The following CDH12 variants were observed in gnomAD, a reference collection of about 807,000 sequenced individuals.
CDH12 encodes the protein cadherin 12.
Under a neutral mutation model 74.1 loss-of-function variants are expected in CDH12, and 41 were observed. The observed-to-expected ratio is 0.55, with a 90% confidence interval of 0.43 to 0.72. The LOEUF (loss-of-function observed/expected upper bound fraction) is 0.72. CDH12 is among the 30% of genes least tolerant of loss of function. The pLI is 0.00. For missense variants in CDH12, 945 were observed against 977.2 expected, an observed-to-expected ratio of 0.97 and a Z score of 0.44; for synonymous variants, 399 against 355.0, an observed-to-expected ratio of 1.12 and a Z score of -1.39.
At chr5:22,177,889 T>A (rs1282619250) in intron 4 of CDH12, among the ~76,000 whole-genome samples, 1 of 152,194 alleles carries the variant, frequency 6.6e-6, no homozygotes, top group Non-Finnish European at 1.5e-5. Flanking sequence ...GTAGCTAGCT[T>A]ACTAAACATA....
intron 4 of CDH12, among the ~76,000 whole-genome samples, chr5:22,122,787 ACT>A (rs1745603162): frequency 1.3e-5 from 2 of 151,994 alleles, no homozygotes; most frequent in Admixed American, 1.3e-4. Context: ...GAGAAAGAAG[ACT>A]CTCTCTGCCT....
chr5:22,041,323 C>T (rs1739562255), intron 5 of CDH12, among the ~76,000 whole-genome samples: 3 of 152,020 alleles, frequency 2.0e-5, no homozygotes, highest in Admixed American at 2.0e-4. Context: ...CCTTATCTGT[C>T]AATAATTACT....
chr5:22,288,306 T>C (rs1239528941), intron 3 of CDH12, among the ~76,000 whole-genome samples: 2 of 152,160 alleles, frequency 1.3e-5, no homozygotes, highest in Non-Finnish European at 1.5e-5. Flanking sequence ...TATGACCAAT[T>C]TATGTAATTT....
chr5:22,000,380 A>C (rs1736535476), intron 5 of CDH12, among the ~76,000 whole-genome samples: 2 of 152,184 alleles, frequency 1.3e-5, no homozygotes, highest in Non-Finnish European at 2.9e-5. Context: ...CTGGCATCAC[A>C]TCAGCCGTTG....
At chr5:22,621,699 G>C (rs969699004) in intron 1 of CDH12, among the ~76,000 whole-genome samples, 1 of 151,966 alleles carries the variant, frequency 6.6e-6, no homozygotes, top group African/African-American at 2.4e-5. Flanking sequence ...AGTTGTTGGA[G>C]TTTATGCCAA....
intron 1 of CDH12, among the ~76,000 whole-genome samples, chr5:22,678,201 T>C (rs1741314450): frequency 6.6e-6 from 1 of 152,086 alleles, no homozygotes; most frequent in Non-Finnish European, 1.5e-5. Context: ...CGACATTTAC[T>C]GTAAAAAAAT....
intron 1 of CDH12, among the ~76,000 whole-genome samples, chr5:22,590,569 A>G (rs1740649742): frequency 6.6e-6 from 1 of 152,192 alleles, no homozygotes; most frequent in East Asian, 1.9e-4. Context: ...AAGAAATCCA[A>G]CATAAACAAA....
intron 1 of CDH12, among the ~76,000 whole-genome samples, chr5:22,745,766 G>A (rs181027908): frequency 8.7e-4 from 132 of 152,242 alleles, no homozygotes; most frequent in Middle Eastern, 3.4e-3. Context: ...CTTTTGGAGA[G>A]TGGAGGGTGG....
intron 3 of CDH12, among the ~76,000 whole-genome samples, chr5:22,287,172 A>G (rs749046886): frequency 2.6e-5 from 4 of 152,174 alleles, no homozygotes; most frequent in Non-Finnish European, 4.4e-5. Flanking sequence ...AAGACACAAC[A>G]AACTTTGTTA....
At chr5:22,580,055 C>T (rs895560777) in intron 1 of CDH12, among the ~76,000 whole-genome samples, 4 of 152,084 alleles carry the variant, frequency 2.6e-5, no homozygotes, top group African/African-American at 9.7e-5. Flanking sequence ...CCTTTTTAGC[C>T]AACGATGCTC....
intron 1 of CDH12, among the ~76,000 whole-genome samples, chr5:22,777,508 A>T (rs1488822035): frequency 2.6e-5 from 4 of 152,196 alleles, no homozygotes; most frequent in African/African-American, 9.6e-5. Flanking sequence ...TGTACTAGTT[A>T]AACATGACTT....
rs139211912 is a variant in CDH12 at position 21,948,806 on chromosome 5, G to A, written c.526+26285C>T. Reference sequence around the variant, plus strand: ...CCATGTGTTGAGGGCAGGACCTGGTGGAAGGTGATTGGATCATGTGGGCGG... The same window carrying A: ...CCATGTGTTGAGGGCAGGACCTGGTAGAAGGTGATTGGATCATGTGGGCGG... On this transcript the variant is annotated intron_variant, in intron 6 of 14. Transcript: ENST00000382254. Among the ~76,000 whole-genome samples, 1,255 of 152,264 alleles carry A rather than the reference G, an allele frequency of 8.2e-3. 12 individuals are homozygous for A. Among genetic ancestry groups the A allele is most frequent in the African/African-American group, 0.028 (1,166 of 41,528 alleles).
intron 5 of CDH12, among the ~76,000 whole-genome samples, chr5:22,006,273 C>G (rs890836696): frequency 2.0e-5 from 3 of 152,048 alleles, no homozygotes; most frequent in African/African-American, 2.4e-5. Context: ...CCCATCTTGG[C>G]CTCTCAAAGT....
intron 2 of CDH12, among the ~76,000 whole-genome samples, chr5:22,482,606 CCA>C (rs1746427490): frequency 6.6e-6 from 1 of 152,090 alleles, no homozygotes; most frequent in South Asian, 2.1e-4. Context: ...TTAATGAAAT[CCA>C]GTTTAGAAAA....
In CDH12 at chr5:21,750,941, T is replaced by TTTTTA. The variant is rs1554025669; in HGVS notation, c.*795_*796insTAAAA. 2 of 150,410 alleles carry TTTTTA rather than the reference T, an allele frequency of 1.3e-5. No individual in the cohort carries two copies. Among genetic ancestry groups the TTTTTA allele is most frequent in the Non-Finnish European group, 1.5e-5 (1 of 67,550 alleles). 9.3% of individuals were successfully genotyped at this position (150,410 alleles called of 1,614,324 possible). A position where few individuals can be genotyped will look rare whatever the true frequency, so the allele number is the denominator to read the frequency against. On this transcript the variant is annotated 3_prime_UTR_variant, in exon 15 of 15. Transcript: ENST00000382254. ...GGCCTCTCTTTATAAAGAGGAATAT[T>TTTTTA]TTTTCTTTTTTTTCTTTCTTTTTTT...
chr5:21,847,819 A>T (rs1750258027), intron 7 of CDH12, among the ~76,000 whole-genome samples: 1 of 152,004 alleles, frequency 6.6e-6, no homozygotes, highest in African/African-American at 2.4e-5. Flanking sequence ...TCTTTCTCTA[A>T]CATTCTCTCC....
intron 1 of CDH12, among the ~76,000 whole-genome samples, chr5:22,720,280 T>G (rs1349869772): frequency 1.3e-5 from 2 of 152,150 alleles, no homozygotes; most frequent in African/African-American, 4.8e-5. Context: ...TCCGATGGTT[T>G]TTTAAGGGGC....
At chr5:21,876,227 CT>C (rs1252318554) in intron 6 of CDH12, among the ~76,000 whole-genome samples, 1 of 152,104 alleles carries the variant, frequency 6.6e-6, no homozygotes, top group African/African-American at 2.4e-5. Context: ...AGACAAATCT[CT>C]TTCTTCATGT....
chr5:22,199,378 T>C (rs548689088), intron 4 of CDH12, among the ~76,000 whole-genome samples: 1 of 152,322 alleles, frequency 6.6e-6, no homozygotes, highest in East Asian at 1.9e-4. Context: ...GGGTGGGAGA[T>C]GGCTGGTAGC....
Sources: allele counts gnomAD v4.1 joint callset (sites outside exome capture counted in the v4.1 genomes callset), GRCh38; gene constraint gnomAD v4.1.1; transcripts MANE v1.5; gene names NCBI Gene and HGNC (gene_info 2026-07-23, HGNC 2026-07-21).